Variants in ACACA observed in about 807,000 individuals in gnomAD.
ACACA encodes acetyl-CoA carboxylase 1.
Under a neutral mutation model 296.1 loss-of-function variants are expected in ACACA, and 103 were observed. The ratio of observed to expected loss-of-function variants is 0.35; its 90% confidence interval spans 0.30 to 0.41. The LOEUF is 0.41. Ranked by LOEUF, ACACA falls within the 10% of genes least tolerant of loss-of-function variation. The probability of loss-of-function intolerance (pLI) is 1.00; values close to 1 mark genes in which losing one functional copy is unlikely to be tolerated. For missense variants in ACACA, 1,554 were observed against 2,989.7 expected, an observed-to-expected ratio of 0.52 and a Z score of 11.20; for synonymous variants, 953 against 1,038.6, an observed-to-expected ratio of 0.92 and a Z score of 1.58.
intron 3 of ACACA, among the ~76,000 whole-genome samples, chr17:37,292,263 G>A (rs952937828): frequency 5.3e-5 from 8 of 152,094 alleles, no homozygotes; most frequent in African/African-American, 1.9e-4. Context: ...AAACTTACCA[G>A]TTAAAAAGCA....
chr17:37,378,990 A>C, intron 1 of ACACA: 1 of 953,608 alleles, frequency 1.0e-6, no homozygotes, highest in Admixed American at 2.9e-5. Flanking sequence ...GATTGCTTGG[A>C]GATCGAGGGA....
intron 1 of ACACA, among the ~76,000 whole-genome samples, chr17:37,383,370 A>G (rs1294306440): frequency 6.6e-6 from 1 of 152,192 alleles, no homozygotes; most frequent in Non-Finnish European, 1.5e-5. Context: ...CCAGAGAAAA[A>G]GAAACTCTTC....
intron 2 of ACACA, among the ~76,000 whole-genome samples, chr17:37,335,256 G>A (rs1009188421): frequency 1.3e-5 from 2 of 152,048 alleles, no homozygotes; most frequent in Non-Finnish European, 1.5e-5. Flanking sequence ...TGCACTTTAG[G>A]CCATACATTT....
chr17:37,399,766 C>G (rs1454208347), intron 1 of ACACA, among the ~76,000 whole-genome samples: 1 of 152,090 alleles, frequency 6.6e-6, no homozygotes, highest in Admixed American at 6.6e-5. Flanking sequence ...TTATGAAAAT[C>G]CTGATGCCAG....
chr17:37,350,573 T>C (rs1389194712), intron 1 of ACACA, among the ~76,000 whole-genome samples: 1 of 151,910 alleles, frequency 6.6e-6, no homozygotes, highest in Non-Finnish European at 1.5e-5. Context: ...GGCGTGGTGG[T>C]TCGCACCTGT....
intron 50 of ACACA, among the ~76,000 whole-genome samples, chr17:37,116,695 G>A (rs1369236997): frequency 6.6e-6 from 1 of 152,074 alleles, no homozygotes; most frequent in Non-Finnish European, 1.5e-5. Flanking sequence ...CTCTGTAATC[G>A]ACATGCTCAG....
intron 42 of ACACA, among the ~76,000 whole-genome samples, chr17:37,160,745 A>G (rs1346615560): frequency 2.0e-5 from 3 of 152,302 alleles, no homozygotes; most frequent in African/African-American, 4.8e-5. Context: ...GATGGTGATT[A>G]TAATGATTAA....
chr17:37,404,570 A>AT (rs5820212), intron 1 of ACACA, among the ~76,000 whole-genome samples: 1,617 of 104,694 alleles, frequency 0.015, 50 homozygotes, highest in African/African-American at 0.031. Context: ...TGCCACAGTG[A>AT]TTTTTTTTTT....
chr17:37,396,409 CATT>C (rs771171939), intron 1 of ACACA, among the ~76,000 whole-genome samples: 2 of 151,646 alleles, frequency 1.3e-5, no homozygotes, highest in Non-Finnish European at 2.9e-5. Context: ...GCCATTTCTT[CATT>C]TTTTAGATAA....
rs372709453 is a variant in ACACA at position 37,330,391 on chromosome 17, T to C, written c.120A>G (p.Glu40=). ...VRAHFGGIMD[E]PSPLAQPLEL... ...CCAGAGGTTGGGCCAAGGGAGATGG[T>C]TCATCCATTATTCCTCCAAAATGAG... The change falls in exon 3 of 56, where the codon GAA becomes GAG. Residue 40 remains glutamate (E), a synonymous_variant. Coordinates refer to ENST00000616317, the MANE Select transcript of ACACA (RefSeq NM_198834.3). 67 of 1,614,076 alleles carry C rather than the reference T, an allele frequency of 4.2e-5. No individual in the cohort carries two copies. Among genetic ancestry groups the C allele is most frequent in the Non-Finnish European group, 5.3e-5 (62 of 1,180,040 alleles).
intron 1 of ACACA, among the ~76,000 whole-genome samples, chr17:37,388,334 A>G (rs1568091734): frequency 6.6e-6 from 1 of 152,182 alleles, no homozygotes; most frequent in Non-Finnish European, 1.5e-5. Context: ...TAAAGCTGAC[A>G]GTAAAAGAAG....
chr17:37,222,731 A>G (rs1450728488), intron 28 of ACACA, among the ~76,000 whole-genome samples: 1 of 152,254 alleles, frequency 6.6e-6, no homozygotes, highest in Non-Finnish European at 1.5e-5. Flanking sequence ...AAGTAACACA[A>G]AAGAGCTGGC....
intron 3 of ACACA, among the ~76,000 whole-genome samples, chr17:37,297,487 A>G (rs1438355703): frequency 6.7e-6 from 1 of 148,924 alleles, no homozygotes. Context: ...GTGTGTACAT[A>G]TATATGTATA....
chr17:37,230,018 G>A (rs912239963), intron 25 of ACACA, among the ~76,000 whole-genome samples: 10 of 151,922 alleles, frequency 6.6e-5, no homozygotes, highest in African/African-American at 1.2e-4. Flanking sequence ...CTGAGATTGC[G>A]TCATTGCACT....
chr17:37,192,014 ATACC>A (rs1458598491), intron 37 of ACACA, 72 bp downstream of exon 37: 1 of 1,429,668 alleles, frequency 7.0e-7, no homozygotes, highest in African/African-American at 1.4e-5. Flanking sequence ...CAGAAGCATA[ATACC>A]TAATTTTGAA....
At chr17:37,399,201 G>A (rs1178950300) in intron 1 of ACACA, among the ~76,000 whole-genome samples, 2 of 151,724 alleles carry the variant, frequency 1.3e-5, no homozygotes, top group Admixed American at 6.6e-5. Flanking sequence ...GGCTGGTCTC[G>A]AACTCCTGAT....
intron 52 of ACACA, among the ~76,000 whole-genome samples, chr17:37,100,096 C>G (rs1204190733): frequency 3.3e-5 from 5 of 152,194 alleles, no homozygotes; most frequent in African/African-American, 1.2e-4. Context: ...GGAACACTCT[C>G]TCTTCCAGCA....
chr17:37,247,891 T>A lies in ACACA; in HGVS notation c.2309+120A>T. On this transcript the variant is annotated intron_variant, in intron 18 of 55. Transcript: ENST00000616317. ...TTTTTGTTAAGTGCATGTACTATTT[T>A]TTTTTTTTTTAACTACAAATGAGTA... is the stretch of plus-strand genomic sequence containing the variant. The A allele has an allele frequency of 2.4e-6, 3 of 1,258,356 alleles. 1 individual carries two copies. In the South Asian group the frequency reaches 4.0e-5, roughly 17 times the overall value. 77.9% of individuals were successfully genotyped at this position (1,258,356 alleles called of 1,614,324 possible).
Position 37,251,990 on chromosome 17 carries a change from A to T in ACACA, c.2081+15T>A. On this transcript the variant is annotated intron_variant, in intron 16 of 55. Transcript: ENST00000616317. ...CATTGATTAGTTTGTGTAGCCTACAAGAAACAAAGCCTACCTTTCTAAGGA... is the reference window on the plus strand; with the variant it reads ...CATTGATTAGTTTGTGTAGCCTACATGAAACAAAGCCTACCTTTCTAAGGA... The T allele has an allele frequency of 6.2e-7, 1 of 1,610,344 alleles. No homozygotes were observed. The highest frequency in any genetic ancestry group is 8.5e-7 in the Non-Finnish European group (1 of 1,176,514).
Sources: gnomAD v4.1 joint callset for allele counts (sites outside exome capture counted in the v4.1 genomes callset) on GRCh38, gnomAD v4.1.1 for gene constraint, MANE v1.5 for transcripts, NCBI Gene and HGNC (gene_info 2026-07-23, HGNC 2026-07-21) for gene names.